The following CDH12 variants were observed in gnomAD, a reference collection of about 807,000 sequenced individuals.
The protein encoded by CDH12 is cadherin-12.
CDH12 carries 41 observed loss-of-function variants against 74.1 expected under a neutral mutation model. That is an observed-to-expected ratio of 0.55 (90% confidence interval 0.43 to 0.72). The LOEUF (loss-of-function observed/expected upper bound fraction) is 0.72, where lower values mean the gene tolerates loss of function less well. Ranked by LOEUF, CDH12 falls within the 30% of genes least tolerant of loss-of-function variation. The pLI is 0.00. For missense variants in CDH12, 945 were observed against 977.2 expected (o/e 0.97, Z 0.44); for synonymous variants, 399 against 355.0 (o/e 1.12, Z -1.39).
At chr5:22,803,693 T>C (rs1022252354) in intron 1 of CDH12, among the ~76,000 whole-genome samples, 2 of 152,184 alleles carry the variant, frequency 1.3e-5, no homozygotes, top group African/African-American at 4.8e-5. Context: ...TTCATATCTA[T>C]AGAAAATTTA....
intron 5 of CDH12, among the ~76,000 whole-genome samples, chr5:22,038,378 C>A (rs1478557799): frequency 1.3e-5 from 2 of 152,146 alleles, no homozygotes; most frequent in Non-Finnish European, 2.9e-5. Context: ...TGAAGCTGCT[C>A]ATTGCCTCCT....
chr5:22,715,584 C>G lies in CDH12; in HGVS notation c.-523+137474G>C, dbSNP rs565195163. On this transcript the variant is annotated intron_variant, in intron 1 of 14. Transcript: ENST00000382254. ...ATTTGGGAGGCCAAGGCGGGTGGATCACAAGGTCAGGAGTTCGAGACCAGC... is the reference window on the plus strand; with the variant it reads ...ATTTGGGAGGCCAAGGCGGGTGGATGACAAGGTCAGGAGTTCGAGACCAGC... Among the ~76,000 whole-genome samples the G allele has an allele frequency of 2.6e-5, 4 of 152,090 alleles. No individual in the cohort carries two copies. In the South Asian group the frequency reaches 8.3e-4, roughly 32 times the overall value.
At chr5:21,880,713 CTTTCT>C (rs1403655879) in intron 6 of CDH12, among the ~76,000 whole-genome samples, 1 of 143,230 alleles carries the variant, frequency 7.0e-6, no homozygotes, top group Non-Finnish European at 1.5e-5. Context: ...TCCTTCCTTC[CTTTCT>C]TTTCTTTTGC....
chr5:21,869,646 G>A, intron 6 of CDH12, among the ~76,000 whole-genome samples: 1 of 152,046 alleles, frequency 6.6e-6, no homozygotes, highest in East Asian at 1.9e-4. Flanking sequence ...ATTAGGCAAA[G>A]GGTAAGCATC....
chr5:22,205,032 T>G (rs1322020367), intron 4 of CDH12, among the ~76,000 whole-genome samples: 2 of 152,222 alleles, frequency 1.3e-5, no homozygotes, highest in Non-Finnish European at 2.9e-5. Flanking sequence ...GCACAGCACC[T>G]AACACTTAAG....
chr5:22,529,249 A>G (rs1353945450), intron 1 of CDH12, among the ~76,000 whole-genome samples: 1 of 150,210 alleles, frequency 6.7e-6, no homozygotes, highest in Non-Finnish European at 1.5e-5. Context: ...GATTTATTAT[A>G]AGAAGCTGGT....
Position 22,662,276 on chromosome 5 carries a change from A to T in CDH12, c.-522-156912T>A, listed in dbSNP as rs184994665. 4.0e-4 allele frequency among the ~76,000 whole-genome samples: 61 copies of T among 152,316 alleles called. No homozygotes were observed. In the East Asian group the frequency reaches 7.3e-3, roughly 18 times the overall value. On this transcript the variant is annotated intron_variant, in intron 1 of 14. Transcript: ENST00000382254. ...AAATTTTCATTTAGGCTCAGGGAAAATCAGACCCCAAGGAAGTTATGGCAT... is the reference window on the plus strand; with the variant it reads ...AAATTTTCATTTAGGCTCAGGGAAATTCAGACCCCAAGGAAGTTATGGCAT...
At chr5:22,769,088 G>GTGA (rs2127067415) in intron 1 of CDH12, among the ~76,000 whole-genome samples, 1 of 152,228 alleles carries the variant, frequency 6.6e-6, no homozygotes, top group South Asian at 2.1e-4. Flanking sequence ...GTTTCCCCCA[G>GTGA]TGATGGTTAC....
chr5:21,838,801 T>G (rs901947034), intron 8 of CDH12, among the ~76,000 whole-genome samples: 20 of 152,284 alleles, frequency 1.3e-4, no homozygotes, highest in African/African-American at 4.3e-4. Flanking sequence ...TCTTTGCCAT[T>G]GAGCCATTGT....
intron 4 of CDH12, among the ~76,000 whole-genome samples, chr5:22,180,770 G>C (rs1749600618): frequency 6.6e-6 from 1 of 151,892 alleles, no homozygotes; most frequent in Non-Finnish European, 1.5e-5. Flanking sequence ...CAAAGTGCTG[G>C]GATTATGGGC....
intron 4 of CDH12, among the ~76,000 whole-genome samples, chr5:22,150,646 G>C (rs1342860496): frequency 1.3e-5 from 2 of 152,052 alleles, no homozygotes; most frequent in African/African-American, 2.4e-5. Context: ...AACTGAGATT[G>C]CTCCTAGATC....
chr5:22,650,871 T>C (rs1739697690), intron 1 of CDH12, among the ~76,000 whole-genome samples: 1 of 152,026 alleles, frequency 6.6e-6, no homozygotes, highest in Admixed American at 6.6e-5. Context: ...TTAGCCTATT[T>C]GATGGGGAAT....
chr5:22,250,091 T>G (rs1256599510), intron 3 of CDH12, among the ~76,000 whole-genome samples: 1 of 152,016 alleles, frequency 6.6e-6, no homozygotes, highest in Non-Finnish European at 1.5e-5. Context: ...ACTTGGGATC[T>G]GGAAAAGCAT....
intron 6 of CDH12, among the ~76,000 whole-genome samples, chr5:21,873,097 A>G (rs1381883752): frequency 6.6e-6 from 1 of 152,144 alleles, no homozygotes; most frequent in East Asian, 1.9e-4. Context: ...GATCTTGTGC[A>G]AGTTATTTCA....
At chr5:21,848,548 AT>A (rs1750299259) in intron 7 of CDH12, among the ~76,000 whole-genome samples, 1 of 151,946 alleles carries the variant, frequency 6.6e-6, no homozygotes. Flanking sequence ...TGTAAAATGG[AT>A]TTTTTAAAAA....
At chr5:22,570,069 T>G (rs1739470265) in intron 1 of CDH12, among the ~76,000 whole-genome samples, 1 of 151,702 alleles carries the variant, frequency 6.6e-6, no homozygotes, top group African/African-American at 2.4e-5. Flanking sequence ...ATTTATTTAT[T>G]TATTGAGACC....
chr5:21,927,233 A>T (rs1401347827), intron 6 of CDH12, among the ~76,000 whole-genome samples: 1 of 152,210 alleles, frequency 6.6e-6, no homozygotes, highest in Non-Finnish European at 1.5e-5. Context: ...ATGACATTTA[A>T]GATGGGTAAG....
At chr5:22,584,710 C>G (rs1056668853) in intron 1 of CDH12, among the ~76,000 whole-genome samples, 5 of 151,936 alleles carry the variant, frequency 3.3e-5, no homozygotes, top group Non-Finnish European at 1.5e-5. Flanking sequence ...TTTTTATGTT[C>G]TGATTACTTT....
chr5:22,474,492 T>C (rs17333711), intron 2 of CDH12, among the ~76,000 whole-genome samples: 60,252 of 151,938 alleles, frequency 0.4, 12,157 homozygotes, highest in Non-Finnish European at 0.42. Context: ...CAATAGAAAC[T>C]ACTCATGAGA....
Sources: allele counts gnomAD v4.1 joint callset (sites outside exome capture counted in the v4.1 genomes callset), GRCh38; gene constraint gnomAD v4.1.1; transcripts MANE v1.5; gene names NCBI Gene and HGNC (gene_info 2026-07-23, HGNC 2026-07-21).